Variants in TMTC1 observed in about 807,000 individuals in gnomAD.
TMTC1 encodes protein O-mannosyl-transferase TMTC1.
Under a neutral mutation model 104.8 loss-of-function variants are expected in TMTC1, and 73 were observed. That is an observed-to-expected ratio of 0.70 (90% CI 0.58 to 0.85). TMTC1 has a LOEUF of 0.85. Ranked by LOEUF, TMTC1 falls within the 40% of genes least tolerant of loss-of-function variation. The probability of loss-of-function intolerance (pLI) is 0.00; values close to 1 mark genes in which losing one functional copy is unlikely to be tolerated. For missense variants in TMTC1, 1,035 were observed against 1,096.1 expected (o/e 0.94, Z 0.79); for synonymous variants, 434 against 428.7 (o/e 1.01, Z -0.15).
At chr12:29,598,862 G>A (rs1310838610) in intron 7 of TMTC1, among the ~76,000 whole-genome samples, 1 of 152,146 alleles carries the variant, frequency 6.6e-6, no homozygotes, top group Non-Finnish European at 1.5e-5. Context: ...TAAATTTAAT[G>A]TTGTCTGCAA....
intron 12 of TMTC1, chr12:29,519,666 TG>T (rs1944092489): frequency 6.6e-6 from 1 of 151,992 alleles, no homozygotes; most frequent in Non-Finnish European, 1.5e-5. Context: ...AGGGGTGTGG[TG>T]GGGTGGGACT....
chr12:29,759,080 C>G (rs913895300), intron 2 of TMTC1, among the ~76,000 whole-genome samples: 7 of 152,090 alleles, frequency 4.6e-5, no homozygotes, highest in Admixed American at 3.9e-4. Flanking sequence ...TTAACTTATT[C>G]AAAAAAATTT....
At position 29,520,845 on chromosome 12, in the gene TMTC1, C is replaced by T. The variant is rs970365477; in HGVS notation, c.1786-125G>A. 2.7e-5 allele frequency: 19 copies of T among 695,152 alleles called. No individual in the cohort carries two copies. The East Asian group carries it at 4.1e-4, about 15-fold the overall frequency. The allele number at this position is 695,152 out of a possible 1,614,324, so 43.1% of individuals were successfully genotyped here. A position where few individuals can be genotyped will look rare whatever the true frequency, so the allele number is the denominator to read the frequency against. On this transcript the variant is annotated intron_variant, in intron 11 of 17. Transcript: ENST00000539277. ...TACTAAGCACCTAATATACAACAGG[C>T]TACTGAGATAAGGCACTATGAACTT...
intron 1 of TMTC1, 141 bp from the exon 2 acceptor site, chr12:29,768,216 T>C: frequency 1.4e-6 from 1 of 707,002 alleles, no homozygotes; most frequent in Non-Finnish European, 2.2e-6. Flanking sequence ...ATTGGGTTAT[T>C]TTTTAGCCTT....
chr12:29,626,962 C>A (rs61922198), intron 6 of TMTC1, among the ~76,000 whole-genome samples: 1 of 151,776 alleles, frequency 6.6e-6, no homozygotes, highest in Non-Finnish European at 1.5e-5. Context: ...ATTAGCTGGG[C>A]GTGGTGGTGG....
chr12:29,740,524 C>A (rs1482493836), intron 5 of TMTC1, among the ~76,000 whole-genome samples: 2 of 152,194 alleles, frequency 1.3e-5, no homozygotes, highest in Non-Finnish European at 2.9e-5. Context: ...GCACTCCTTG[C>A]TCCTCAGCTT....
At chr12:29,757,058 C>T (rs1943232024) in intron 3 of TMTC1, among the ~76,000 whole-genome samples, 1 of 152,128 alleles carries the variant, frequency 6.6e-6, no homozygotes, top group African/African-American at 2.4e-5. Context: ...GAACAAGAAA[C>T]AATTAATTGT....
intron 5 of TMTC1, among the ~76,000 whole-genome samples, chr12:29,690,487 C>T (rs75175894): frequency 6.6e-6 from 1 of 152,008 alleles, no homozygotes; most frequent in Non-Finnish European, 1.5e-5. Flanking sequence ...GGGACTAATG[C>T]AAATGGAAAT....
chr12:29,716,861 A>G (rs1431447668), intron 5 of TMTC1, among the ~76,000 whole-genome samples: 2 of 152,088 alleles, frequency 1.3e-5, no homozygotes, highest in Admixed American at 1.3e-4. Context: ...TAAAAATACA[A>G]AAACTTAGCC....
rs117918829 is a variant in TMTC1 at position 29,597,532 on chromosome 12, C to A, written c.1250+6646G>T. Among the ~76,000 whole-genome samples, 867 of 152,066 alleles carry A rather than the reference C, an allele frequency of 5.7e-3. 7 individuals are homozygous for A. Among genetic ancestry groups the A allele is most frequent in the Non-Finnish European group, 8.8e-3 (598 of 67,990 alleles). On this transcript the variant is annotated intron_variant, in intron 7 of 17. Coordinates refer to ENST00000539277, the MANE Select transcript of TMTC1 (RefSeq NM_001193451.2). ...TGTCCCATGGCAGATGGACTTCCTC[C>A]CTTTCCTGCCTCACCTTGGGGCACA...
At chr12:29,667,750 A>G (rs1411338718) in intron 5 of TMTC1, among the ~76,000 whole-genome samples, 2 of 152,208 alleles carry the variant, frequency 1.3e-5, no homozygotes, top group African/African-American at 4.8e-5. Context: ...TTCCTTCTAC[A>G]ACTAATAGCA....
chr12:29,675,784 C>G lies in TMTC1; in HGVS notation c.939-42448G>C, dbSNP rs945159309. 4.6e-5 allele frequency among the ~76,000 whole-genome samples: 7 copies of G among 152,124 alleles called. No individual in the cohort carries two copies. In the East Asian group the frequency reaches 1.3e-3, roughly 29 times the overall value. ...CACGCTTTCCAGCTGTCAGACAAAT[C>G]TTTTCATCTAACTTGGATGAGCCAA... On this transcript the variant is annotated intron_variant, in intron 5 of 17. Transcript: ENST00000539277.
chr12:29,592,194 GA>G (rs1337480693), intron 7 of TMTC1, among the ~76,000 whole-genome samples: 1 of 152,098 alleles, frequency 6.6e-6, no homozygotes, highest in African/African-American at 2.4e-5. Flanking sequence ...CTCTTTTAAA[GA>G]ATTCCCAATT....
intron 7 of TMTC1, among the ~76,000 whole-genome samples, chr12:29,586,603 C>T (rs1439413729): frequency 2.0e-5 from 3 of 152,000 alleles, no homozygotes; most frequent in Non-Finnish European, 4.4e-5. Flanking sequence ...TTTTGAGATA[C>T]ATCCCATCAA....
chr12:29,577,015 T>A (rs1214979560), intron 8 of TMTC1, among the ~76,000 whole-genome samples: 1 of 152,170 alleles, frequency 6.6e-6, no homozygotes, highest in African/African-American at 2.4e-5. Flanking sequence ...AATAATATCA[T>A]AAATGGTGTT....
chr12:29,702,934 C>T (rs761141013), intron 5 of TMTC1, among the ~76,000 whole-genome samples: 26 of 152,106 alleles, frequency 1.7e-4, no homozygotes, highest in African/African-American at 6.3e-4. Flanking sequence ...CACCTGAGGT[C>T]AGGAGATCAA....
chr12:29,529,954 C>A (rs139374110), intron 11 of TMTC1: 1 of 152,090 alleles, frequency 6.6e-6, no homozygotes, highest in Non-Finnish European at 1.5e-5. Flanking sequence ...ACAATAAATG[C>A]TAAAGAGAAA....
intron 7 of TMTC1, among the ~76,000 whole-genome samples, chr12:29,585,895 T>C (rs1010506463): frequency 6.6e-6 from 1 of 151,622 alleles, no homozygotes; most frequent in Non-Finnish European, 1.5e-5. Context: ...TTTGTTCTTT[T>C]GGCTTAGGAC....
At chr12:29,684,072 G>A (rs1941013016) in intron 5 of TMTC1, among the ~76,000 whole-genome samples, 1 of 152,166 alleles carries the variant, frequency 6.6e-6, no homozygotes. Context: ...TCAAACTCCT[G>A]AGTTCAAGCA....
Sources: allele counts gnomAD v4.1 joint callset (sites outside exome capture counted in the v4.1 genomes callset), GRCh38; gene constraint gnomAD v4.1.1; transcripts MANE v1.5; gene names NCBI Gene and HGNC (gene_info 2026-07-23, HGNC 2026-07-21).